SAMD8: variants seen among roughly 807,000 people sequenced by gnomAD.
The protein encoded by SAMD8 is sterile alpha motif domain containing 8, also known as sphingomyelin synthase-related protein 1.
SAMD8 carries 20 observed loss-of-function variants against 42.0 expected under a neutral mutation model. That is an observed-to-expected ratio of 0.48 (90% CI 0.34 to 0.69). The LOEUF (loss-of-function observed/expected upper bound fraction) is 0.69. Ranked by LOEUF, SAMD8 falls within the 30% of genes least tolerant of loss-of-function variation. The probability of loss-of-function intolerance (pLI) is 0.01; values close to 1 mark genes in which losing one functional copy is unlikely to be tolerated. For synonymous variants in SAMD8, 162 were observed against 173.0 expected (o/e 0.94, Z 0.50); for missense variants, 328 against 511.6 (o/e 0.64, Z 3.46).
rs1841006865 is a variant in SAMD8, at chr10:75,177,125, C to A, written c.*433C>A. 1 of 156,196 alleles carries A rather than the reference C, an allele frequency of 6.4e-6. No individual in the cohort carries two copies. The highest frequency in any genetic ancestry group is 1.9e-4 in the South Asian group (1 of 5,162). The allele number at this position is 156,196 out of a possible 1,614,324, so 9.7% of individuals were successfully genotyped here. A position where few individuals can be genotyped will look rare whatever the true frequency, so the allele number is the denominator to read the frequency against. On this transcript the variant is annotated 3_prime_UTR_variant, in exon 6 of 6. Transcript: ENST00000542569. ...GAAGAAACCCTAACAAGTGACAGTA[C>A]TTGTTCTTTGGACTAATCTTTGTTT...
intron 1 of SAMD8, chr10:75,104,019 G>A (rs1213467826): frequency 2.2e-6 from 3 of 1,361,430 alleles, no homozygotes; most frequent in Non-Finnish European, 2.0e-6. Context: ...GCCTGGGCCA[G>A]AGCCTCCAGC....
intron 1 of SAMD8, among the ~76,000 whole-genome samples, chr10:75,143,346 T>C (rs1251411533): frequency 6.6e-6 from 1 of 152,040 alleles, no homozygotes; most frequent in African/African-American, 2.4e-5. Context: ...TAAGAAAAAA[T>C]GTATATATTT....
At chr10:75,159,139 A>G (rs375484055) in intron 2 of SAMD8, among the ~76,000 whole-genome samples, 3 of 145,676 alleles carry the variant, frequency 2.1e-5, no homozygotes, top group East Asian at 2.0e-4. Context: ...ACTCACCGCA[A>G]CCTCCATCTC....
chr10:75,108,896 T>C, upstream of SAMD8: 1 of 1,368,398 alleles, frequency 7.3e-7, no homozygotes, highest in Non-Finnish European at 9.7e-7. Context: ...TGGCCTGGGA[T>C]GGTCAGAGCA....
intron 1 of SAMD8, among the ~76,000 whole-genome samples, chr10:75,121,801 C>T (rs1448663246): frequency 1.3e-5 from 2 of 152,102 alleles, no homozygotes; most frequent in Non-Finnish European, 2.9e-5. Context: ...AAGCGATTCT[C>T]CTGCCTCAGC....
At chr10:75,105,761 C>A in intron 1 of SAMD8, 1 of 1,552,614 alleles carries the variant, frequency 6.4e-7, no homozygotes, top group Non-Finnish European at 8.7e-7. Context: ...TGCTGCCTCA[C>A]GGTGATCACC....
At chr10:75,122,008 A>G (rs989743201) in intron 1 of SAMD8, among the ~76,000 whole-genome samples, 4 of 152,158 alleles carry the variant, frequency 2.6e-5, no homozygotes, top group Admixed American at 6.5e-5. Flanking sequence ...TTAATTTTCT[A>G]TTTATATCTG....
At chr10:75,120,774 C>A in intron 1 of SAMD8, among the ~76,000 whole-genome samples, 1 of 80,168 alleles carries the variant, frequency 1.2e-5, no homozygotes, top group East Asian at 4.7e-4. Context: ...TAATTTCCAT[C>A]TTTTTTTTTT....
intron 1 of SAMD8, among the ~76,000 whole-genome samples, chr10:75,148,811 T>C (rs1047506736): frequency 5.9e-5 from 9 of 152,340 alleles, no homozygotes; most frequent in Non-Finnish European, 5.9e-5. Flanking sequence ...TCCTTCAGGA[T>C]AGAAGGATAT....
At chr10:75,103,282 G>A (rs894380007) in intron 1 of SAMD8, among the ~76,000 whole-genome samples, 3 of 152,248 alleles carry the variant, frequency 2.0e-5, no homozygotes, top group Admixed American at 6.5e-5. Context: ...GGCCAAGGCC[G>A]ATGGGACAGG....
chr10:75,143,339 G>GA (rs1193194809), intron 1 of SAMD8, among the ~76,000 whole-genome samples: 4 of 152,034 alleles, frequency 2.6e-5, no homozygotes, highest in East Asian at 1.9e-4. Flanking sequence ...TAAATAGTAA[G>GA]AAAAAATGTA....
intron 1 of SAMD8, among the ~76,000 whole-genome samples, chr10:75,134,364 G>A (rs1164502276): frequency 6.6e-6 from 1 of 152,186 alleles, no homozygotes; most frequent in Non-Finnish European, 1.5e-5. Context: ...GCCAGGCGCA[G>A]TGGCTCATGC....
chr10:75,128,335 A>C (rs546286033), intron 1 of SAMD8, among the ~76,000 whole-genome samples: 1 of 152,234 alleles, frequency 6.6e-6, no homozygotes, highest in African/African-American at 2.4e-5. Flanking sequence ...GACCTCCAAC[A>C]GTGCTAGGAT....
chr10:75,108,768 T>C (rs943997794), upstream of SAMD8, among the ~76,000 whole-genome samples: 1 of 152,166 alleles, frequency 6.6e-6, no homozygotes, highest in African/African-American at 2.4e-5. Context: ...TGGAAATGTT[T>C]CCTGGAACTC....
intron 1 of SAMD8, among the ~76,000 whole-genome samples, chr10:75,142,349 A>C (rs910750655): frequency 6.6e-6 from 1 of 151,344 alleles, no homozygotes; most frequent in African/African-American, 2.4e-5. Context: ...ATATTAGTGG[A>C]TTTCCATTTC....
rs766813905 is a variant in SAMD8, at chr10:75,105,612, C to A, written c.-16+5884C>A. On this transcript the variant is annotated intron_variant, in intron 1 of 3. Coordinates refer to the SAMD8 transcript ENST00000447533. ...CTATGTCTGCAGCCTAGGCCCTCAC[C>A]TGGCCTCTTCCGGCCAACCACATCC... 13 of 1,493,974 alleles carry A rather than the reference C, an allele frequency of 8.7e-6. 1 individual carries two copies. Among genetic ancestry groups the A allele is most frequent in the Non-Finnish European group, 1.2e-5 (13 of 1,099,106 alleles). 92.5% of individuals were successfully genotyped at this position (1,493,974 alleles called of 1,614,324 possible).
intron 4 of SAMD8, among the ~76,000 whole-genome samples, chr10:75,172,950 A>G (rs897171646): frequency 3.3e-5 from 5 of 152,166 alleles, no homozygotes; most frequent in Admixed American, 6.6e-5. Flanking sequence ...GATTTTAAAG[A>G]AGAAAAATAT....
chr10:75,119,873 C>G (rs1410162488), intron 1 of SAMD8, among the ~76,000 whole-genome samples: 1 of 152,150 alleles, frequency 6.6e-6, no homozygotes, highest in African/African-American at 2.4e-5. Flanking sequence ...CAAGACCAGC[C>G]TGGCCAACAT....
Position 75,146,362 on chromosome 10 carries a change from G to A in SAMD8, c.-15-4152G>A, listed in dbSNP as rs189497026. ...TGCAATGGCACGATCTCAACTCACC[G>A]CAACCTCCGCCTCCCGGGTTCAAGC... On this transcript the variant is annotated intron_variant, in intron 1 of 5. Transcript: ENST00000542569. Among the ~76,000 whole-genome samples the A allele has an allele frequency of 2.3e-3, 290 of 126,316 alleles. 1 individual carries two copies. Among genetic ancestry groups the A allele is most frequent in the Non-Finnish European group, 3.7e-3 (234 of 63,810 alleles). The allele number at this position is 126,316 out of a possible 152,430, so 82.9% of individuals were successfully genotyped here.
Sources: allele counts gnomAD v4.1 joint callset (sites outside exome capture counted in the v4.1 genomes callset), GRCh38; gene constraint gnomAD v4.1.1; transcripts MANE v1.5; gene names NCBI Gene and HGNC (gene_info 2026-07-23, HGNC 2026-07-21).